The following DLG1 variants were observed in gnomAD, a reference collection of about 807,000 sequenced individuals.
The protein encoded by DLG1 is disks large homolog 1.
In DLG1, 42 loss-of-function variants were observed where a neutral mutation model predicts 123.4. That is an observed-to-expected ratio of 0.34 (90% CI 0.27 to 0.44). DLG1 has a LOEUF of 0.44. DLG1 is among the 20% of genes least tolerant of loss of function. DLG1 has a pLI of 1.00. For synonymous variants in DLG1, 317 were observed against 356.2 expected (o/e 0.89, Z 1.24); for missense variants, 942 against 1,082.6 (o/e 0.87, Z 1.82).
At chr3:197,147,314 A>G (rs1791309451) in intron 6 of DLG1, among the ~76,000 whole-genome samples, 1 of 152,172 alleles carries the variant, frequency 6.6e-6, no homozygotes, top group Admixed American at 6.5e-5. Context: ...AAAATAAGTC[A>G]TTATATGAAA....
chr3:197,189,290 T>C (rs1717895137), intron 5 of DLG1, among the ~76,000 whole-genome samples: 2 of 152,226 alleles, frequency 1.3e-5, no homozygotes, highest in South Asian at 2.1e-4. Context: ...GGTGCAAATA[T>C]ATCAGGCAAT....
chr3:197,060,917 C>T (rs567396949), intron 22 of DLG1, among the ~76,000 whole-genome samples: 275 of 150,926 alleles, frequency 1.8e-3, no homozygotes, highest in Non-Finnish European at 3.4e-3. Flanking sequence ...CTTCCGCCTG[C>T]TTCAGCCTCC....
chr3:197,266,720 T>C (rs1051492415), intron 4 of DLG1, among the ~76,000 whole-genome samples: 1 of 151,884 alleles, frequency 6.6e-6, no homozygotes, highest in Admixed American at 6.6e-5. Context: ...TACTAGATAC[T>C]TGAGAAGATT....
rs759908376 is a variant in DLG1, at chr3:197,296,463, A to G, written c.34T>C (p.Leu12=). Residue 12 remains leucine (L), a synonymous_variant, in exon 3 of 25, where the codon TTG becomes CTG. Transcript: ENST00000667157. ...PVRKQDTQRA[L]HLLEEYRSKL... ...GAACGATATTCCTCCAAAAGGTGCA[A>G]TGCTCTCTGGGTATCTGAGAAGAAA... 2 of 1,613,798 alleles carry G rather than the reference A, an allele frequency of 1.2e-6. No homozygotes were observed. Among genetic ancestry groups the G allele is most frequent in the Non-Finnish European group, 1.7e-6 (2 of 1,179,798 alleles).
At chr3:197,160,283 C>T (rs911302248) in intron 5 of DLG1, among the ~76,000 whole-genome samples, 3 of 150,170 alleles carry the variant, frequency 2.0e-5, no homozygotes, top group African/African-American at 7.4e-5. Flanking sequence ...GAGACTGGTA[C>T]AAATTCTCAA....
At chr3:197,255,056 CA>C (rs561903233) in intron 4 of DLG1, among the ~76,000 whole-genome samples, 17 of 144,692 alleles carry the variant, frequency 1.2e-4, no homozygotes, top group Admixed American at 3.4e-4. Context: ...GATTCTGTCT[CA>C]AAAAAAAAAA....
intron 14 of DLG1, among the ~76,000 whole-genome samples, chr3:197,098,958 C>G (rs1762080907): frequency 6.6e-6 from 1 of 152,190 alleles, no homozygotes; most frequent in Non-Finnish European, 1.5e-5. Context: ...AGATTCCTAC[C>G]TTTTCCTTTT....
chr3:197,297,829 A>C, intron 1 of DLG1: 1 of 985,236 alleles, frequency 1.0e-6, no homozygotes, highest in Non-Finnish European at 1.2e-6. Flanking sequence ...TGCGCTCGGA[A>C]CTGGGGTGCG....
At chr3:197,093,561 C>T (rs940414280) in intron 14 of DLG1, among the ~76,000 whole-genome samples, 11 of 91,932 alleles carry the variant, frequency 1.2e-4, no homozygotes, top group African/African-American at 3.8e-4. Flanking sequence ...ATGTCATCCA[C>T]GCTTTTTTTT....
chr3:197,222,631 T>C (rs766324018), intron 4 of DLG1, among the ~76,000 whole-genome samples: 6 of 152,264 alleles, frequency 3.9e-5, no homozygotes, highest in Middle Eastern at 3.4e-3. Flanking sequence ...CTGAAGCTAC[T>C]TGTATCCCTG....
At chr3:197,120,657 GAATT>G (rs1180465973) in intron 11 of DLG1, among the ~76,000 whole-genome samples, 1 of 152,142 alleles carries the variant, frequency 6.6e-6, no homozygotes, top group Non-Finnish European at 1.5e-5. Context: ...AAAAATGCAG[GAATT>G]ATTAGTTCAA....
intron 18 of DLG1, chr3:197,069,652 T>C (rs879409713): frequency 6.5e-6 from 1 of 154,672 alleles, no homozygotes; most frequent in African/African-American, 2.4e-5. Flanking sequence ...TTTAAACAAA[T>C]AGATGCCCAT....
chr3:197,245,235 T>C (rs115061138), intron 4 of DLG1, among the ~76,000 whole-genome samples: 70 of 152,322 alleles, frequency 4.6e-4, no homozygotes, highest in Non-Finnish European at 8.2e-4. Context: ...TGGATTCCAT[T>C]ATCTGAATCA....
chr3:197,204,955 G>A (rs1400442562), intron 4 of DLG1, among the ~76,000 whole-genome samples: 1 of 151,992 alleles, frequency 6.6e-6, no homozygotes, highest in African/African-American at 2.4e-5. Flanking sequence ...AAAGGTTAAG[G>A]GCCAAGAAGA....
chr3:197,187,423 TC>T (rs1716740472), intron 5 of DLG1, among the ~76,000 whole-genome samples: 1 of 152,216 alleles, frequency 6.6e-6, no homozygotes, highest in South Asian at 2.1e-4. Flanking sequence ...GCTAGTGATT[TC>T]ATTATATTCT....
At chr3:197,262,137 T>C (rs1003868845) in intron 4 of DLG1, among the ~76,000 whole-genome samples, 1 of 152,138 alleles carries the variant, frequency 6.6e-6, no homozygotes, top group African/African-American at 2.4e-5. Flanking sequence ...GTGAGACCCC[T>C]AGAAAGCCTC....
At chr3:197,089,424 G>C (rs1756383599) in intron 15 of DLG1, among the ~76,000 whole-genome samples, 1 of 151,982 alleles carries the variant, frequency 6.6e-6, no homozygotes, top group Middle Eastern at 3.4e-3. Flanking sequence ...CTACTTGGGG[G>C]GCTGAGGCGG....
chr3:197,140,713 G>T (rs1025015756), intron 7 of DLG1, among the ~76,000 whole-genome samples: 1 of 152,150 alleles, frequency 6.6e-6, no homozygotes, highest in Non-Finnish European at 1.5e-5. Context: ...TTTAAAAAAG[G>T]GGGTGGCGAT....
At chr3:197,128,952 G>A (rs910575056) in intron 11 of DLG1, among the ~76,000 whole-genome samples, 1 of 152,114 alleles carries the variant, frequency 6.6e-6, no homozygotes, top group East Asian at 1.9e-4. Context: ...CAGTTATAGA[G>A]CACAGGTTTC....
Sources: gnomAD v4.1 joint callset for allele counts (sites outside exome capture counted in the v4.1 genomes callset) on GRCh38, gnomAD v4.1.1 for gene constraint, MANE v1.5 for transcripts, NCBI Gene and HGNC (gene_info 2026-07-23, HGNC 2026-07-21) for gene names.